ARHGAP26: variants seen among roughly 807,000 people sequenced by gnomAD.
ARHGAP26 encodes the protein Rho GTPase activating protein 26.
Under a neutral mutation model 104.8 loss-of-function variants are expected in ARHGAP26, and 38 were observed. The ratio of observed to expected loss-of-function variants is 0.36; its 90% CI spans 0.28 to 0.48. ARHGAP26 has a LOEUF of 0.48. Among genes scored for constraint, ARHGAP26 ranks in the 20% least tolerant of loss-of-function variants. The pLI is 0.99. For synonymous variants in ARHGAP26, 341 were observed against 340.0 expected, an observed-to-expected ratio of 1.00 and a Z score of -0.03; for missense variants, 704 against 947.9, an observed-to-expected ratio of 0.74 and a Z score of 3.38.
intron 11 of ARHGAP26, among the ~76,000 whole-genome samples, chr5:143,002,788 G>T (rs1339029485): frequency 1.3e-5 from 2 of 152,106 alleles, no homozygotes; most frequent in Non-Finnish European, 1.5e-5. Flanking sequence ...TCCAATCTTC[G>T]GTTGAAAGCT....
intron 11 of ARHGAP26, among the ~76,000 whole-genome samples, chr5:142,981,538 T>G (rs1449103979): frequency 6.6e-6 from 1 of 152,232 alleles, no homozygotes; most frequent in African/African-American, 2.4e-5. Context: ...CTGTAAAGTC[T>G]GCTTTATTAG....
chr5:142,983,458 G>T (rs961664919), intron 11 of ARHGAP26, among the ~76,000 whole-genome samples: 1 of 152,078 alleles, frequency 6.6e-6, no homozygotes, highest in South Asian at 2.1e-4. Context: ...TGCCCTCCTC[G>T]GCCTCTCAAA....
chr5:142,926,702 G>C (rs935111973), intron 10 of ARHGAP26, among the ~76,000 whole-genome samples: 5 of 152,128 alleles, frequency 3.3e-5, no homozygotes, highest in Non-Finnish European at 5.9e-5. Flanking sequence ...GAATTTCAGT[G>C]CTGTGTATGA....
chr5:142,827,098 C>T (rs1366271178), intron 1 of ARHGAP26, among the ~76,000 whole-genome samples: 1 of 151,622 alleles, frequency 6.6e-6, no homozygotes. Context: ...GGAAACTGAG[C>T]TTCTGTTTTT....
intron 1 of ARHGAP26, among the ~76,000 whole-genome samples, chr5:142,772,462 C>T (rs942743237): frequency 1.8e-4 from 27 of 152,186 alleles, no homozygotes; most frequent in African/African-American, 5.5e-4. Flanking sequence ...AGTGAGTTCT[C>T]TGCTTCACTC....
intron 11 of ARHGAP26, among the ~76,000 whole-genome samples, chr5:142,943,490 T>C (rs1267131825): frequency 6.6e-6 from 1 of 152,192 alleles, no homozygotes; most frequent in Non-Finnish European, 1.5e-5. Context: ...CTCTGGAGCT[T>C]CTTTTATGAG....
chr5:143,057,939 G>A (rs957816147), intron 17 of ARHGAP26, 192 bp downstream of exon 17: 5 of 696,878 alleles, frequency 7.2e-6, no homozygotes, highest in African/African-American at 5.3e-5. Flanking sequence ...GGCCTTCCCA[G>A]AGGATGCTGG....
rs149808834 is a variant in ARHGAP26, at chr5:143,140,601, C to G, written c.1837+6496C>G. Among the ~76,000 whole-genome samples, 216 of 152,200 alleles carry G rather than the reference C, an allele frequency of 1.4e-3. 2 individuals carry two copies. The highest frequency in any genetic ancestry group is 0.01 in the Middle Eastern group (3 of 294). On this transcript the variant is annotated intron_variant, in intron 19 of 22. Transcript: ENST00000645722. Reference sequence around the variant, plus strand: ...ATCTTACAACTGACTAAGGAAATATCCTTCCCTTTGGAGCCTGCAGATTCC... The same window carrying G: ...ATCTTACAACTGACTAAGGAAATATGCTTCCCTTTGGAGCCTGCAGATTCC...
At chr5:143,078,166 G>A (rs1029680332) in intron 17 of ARHGAP26, among the ~76,000 whole-genome samples, 1 of 152,148 alleles carries the variant, frequency 6.6e-6, no homozygotes, top group African/African-American at 2.4e-5. Context: ...ATCATGTTAC[G>A]CTAACTCAAT....
chr5:143,155,707 T>C (rs1800396511), intron 20 of ARHGAP26, among the ~76,000 whole-genome samples: 1 of 152,142 alleles, frequency 6.6e-6, no homozygotes, highest in African/African-American at 2.4e-5. Context: ...TCCAGCAGAG[T>C]GGAAATCACA....
intron 1 of ARHGAP26, among the ~76,000 whole-genome samples, chr5:142,780,243 C>T (rs1184524555): frequency 2.6e-5 from 4 of 152,184 alleles, no homozygotes; most frequent in Non-Finnish European, 4.4e-5. Flanking sequence ...GTGTATGTAA[C>T]CATTCCCCTA....
intron 11 of ARHGAP26, among the ~76,000 whole-genome samples, chr5:143,001,809 G>A (rs1777229694): frequency 6.6e-6 from 1 of 152,204 alleles, no homozygotes; most frequent in African/African-American, 2.4e-5. Flanking sequence ...ACCCTTTACT[G>A]CCAGCTCAAA....
chr5:142,799,841 C>T (rs1761716801), intron 1 of ARHGAP26, among the ~76,000 whole-genome samples: 1 of 152,262 alleles, frequency 6.6e-6, no homozygotes, highest in African/African-American at 2.4e-5. Context: ...ATGGCCTCAT[C>T]ACCTCTTAAA....
At chr5:142,863,699 A>G (rs1753768113) in intron 1 of ARHGAP26, among the ~76,000 whole-genome samples, 1 of 152,112 alleles carries the variant, frequency 6.6e-6, no homozygotes, top group African/African-American at 2.4e-5. Flanking sequence ...TGGTGCCTGG[A>G]TCAGCACCAT....
chr5:143,047,244 A>C (rs748292668), intron 14 of ARHGAP26, among the ~76,000 whole-genome samples: 2 of 152,222 alleles, frequency 1.3e-5, no homozygotes, highest in Non-Finnish European at 2.9e-5. Context: ...GCAGAGACTA[A>C]GAGCATGCAT....
intron 12 of ARHGAP26, 113 bp from the exon 13 acceptor site, chr5:143,037,077 AAAAACT>A (rs1782768826): frequency 3.5e-6 from 2 of 578,912 alleles, no homozygotes; most frequent in Admixed American, 3.1e-5. Flanking sequence ...TGTTATTGGG[AAAAACT>A]AAAAGGATAT....
Position 142,770,607 on chromosome 5 carries a change from C to T in ARHGAP26, c.-155C>T. 1 of 416,882 alleles carries T rather than the reference C, an allele frequency of 2.4e-6. No individual in the cohort carries two copies. The highest frequency in any genetic ancestry group is 3.3e-6 in the Non-Finnish European group (1 of 299,564). 25.8% of individuals were successfully genotyped at this position (416,882 alleles called of 1,614,324 possible). On this transcript the variant is annotated 5_prime_UTR_variant, in exon 1 of 23. Transcript: ENST00000645722. ...AGCTCGGTTCGGGAGTCTTGCGCGCCGGCGGACACCGCGCGCGGAGTGAGC... is the reference window on the plus strand; with the variant it reads ...AGCTCGGTTCGGGAGTCTTGCGCGCTGGCGGACACCGCGCGCGGAGTGAGC...
At chr5:143,061,924 C>T (rs1786772494) in intron 17 of ARHGAP26, among the ~76,000 whole-genome samples, 1 of 152,198 alleles carries the variant, frequency 6.6e-6, no homozygotes, top group South Asian at 2.1e-4. Context: ...TCTTCCAGCA[C>T]ACTTTATGTC....
chr5:143,112,855 A>G (rs1490144596), intron 17 of ARHGAP26, among the ~76,000 whole-genome samples: 1 of 152,254 alleles, frequency 6.6e-6, no homozygotes, highest in South Asian at 2.1e-4. Context: ...TTATCTGTTC[A>G]TCCATCAGTA....
Sources: allele counts gnomAD v4.1 joint callset (sites outside exome capture counted in the v4.1 genomes callset), GRCh38; gene constraint gnomAD v4.1.1; transcripts MANE v1.5; gene names NCBI Gene and HGNC (gene_info 2026-07-23, HGNC 2026-07-21).